Variants in ITFG1 observed in about 807,000 individuals in gnomAD.
ITFG1 encodes the protein integrin alpha FG-GAP repeat containing 1, also known as T-cell immunomodulatory protein.
In ITFG1, 34 loss-of-function variants were observed where a neutral mutation model predicts 81.8. The observed-to-expected ratio is 0.42, with a 90% confidence interval of 0.32 to 0.55. The LOEUF is 0.55. Among genes scored for constraint, ITFG1 ranks in the 20% least tolerant of loss-of-function variants. ITFG1 has a pLI of 0.17. For missense variants in ITFG1, 672 were observed against 755.4 expected, an observed-to-expected ratio of 0.89 and a Z score of 1.29; for synonymous variants, 285 against 270.6, an observed-to-expected ratio of 1.05 and a Z score of -0.52.
intron 10 of ITFG1, among the ~76,000 whole-genome samples, chr16:47,277,185 G>A (rs933312809): frequency 6.6e-6 from 1 of 152,090 alleles, no homozygotes; most frequent in African/African-American, 2.4e-5. Context: ...TTTTAACTGA[G>A]CTATATAGCT....
chr16:47,187,616 A>G (rs902502848), intron 14 of ITFG1, among the ~76,000 whole-genome samples: 60 of 151,970 alleles, frequency 3.9e-4, no homozygotes, highest in African/African-American at 1.4e-3. Flanking sequence ...TCAATTCAAG[A>G]TGGATTAAAG....
At position 47,428,789 on chromosome 16, in the gene ITFG1, T is replaced by G; in HGVS notation, c.655+15A>C. On this transcript the variant is annotated intron_variant, in intron 6 of 17. Transcript: ENST00000320640. ...TTGGTAACTCAAAACAATTCCAGAT[T>G]TATGTGCAACTCACCTGCTGTAAAA... 2.0e-6 allele frequency: 3 copies of G among 1,535,026 alleles called. No individual in the cohort carries two copies. The highest frequency in any genetic ancestry group is 2.7e-6 in the Non-Finnish European group (3 of 1,111,766).
intron 10 of ITFG1, among the ~76,000 whole-genome samples, chr16:47,291,336 C>T (rs73539001): frequency 0.069 from 10,448 of 151,736 alleles, 597 homozygotes; most frequent in African/African-American, 0.15. Context: ...TTCTTTTTTG[C>T]TTTTTCTCCT....
At chr16:47,322,180 T>C (rs2151569023) in intron 8 of ITFG1, among the ~76,000 whole-genome samples, 1 of 152,260 alleles carries the variant, frequency 6.6e-6, no homozygotes, top group African/African-American at 2.4e-5. Flanking sequence ...ATATATACTA[T>C]TAAAGAATCT....
chr16:47,261,785 C>T (rs888771527), intron 10 of ITFG1, among the ~76,000 whole-genome samples: 1 of 152,178 alleles, frequency 6.6e-6, no homozygotes, highest in Non-Finnish European at 1.5e-5. Context: ...GTGACCCTGC[C>T]ATCTTAGCCT....
chr16:47,241,520 T>G (rs1965933523), intron 12 of ITFG1, among the ~76,000 whole-genome samples: 1 of 152,180 alleles, frequency 6.6e-6, no homozygotes, highest in Non-Finnish European at 1.5e-5. Flanking sequence ...CTTGAAAACA[T>G]TATGCTAAGT....
chr16:47,170,280 T>C (rs548957218), intron 14 of ITFG1, among the ~76,000 whole-genome samples: 1 of 152,200 alleles, frequency 6.6e-6, no homozygotes, highest in Non-Finnish European at 1.5e-5. Flanking sequence ...AAATTGTTGG[T>C]AGAATTTCAT....
At chr16:47,348,568 C>G (rs899374238) in intron 8 of ITFG1, among the ~76,000 whole-genome samples, 1 of 152,056 alleles carries the variant, frequency 6.6e-6, no homozygotes, top group African/African-American at 2.4e-5. Context: ...TGTGAAAAGA[C>G]CAAATCTACG....
At chr16:47,430,057 CTTTTTTTTTTTT>C (rs920966590) in intron 5 of ITFG1, among the ~76,000 whole-genome samples, 1 of 122,016 alleles carries the variant, frequency 8.2e-6, no homozygotes, top group South Asian at 2.7e-4. Context: ...TTTTACTTTT[CTTTTTTTTTTTT>C]TTTTTTGAAT....
chr16:47,235,766 A>G (rs905129828), intron 13 of ITFG1, among the ~76,000 whole-genome samples: 1 of 149,408 alleles, frequency 6.7e-6, no homozygotes, highest in South Asian at 2.2e-4. Flanking sequence ...ACTTTTTACT[A>G]TGATCTGATG....
chr16:47,324,096 G>C (rs578053470), intron 8 of ITFG1, among the ~76,000 whole-genome samples: 6 of 152,100 alleles, frequency 3.9e-5, no homozygotes, highest in African/African-American at 1.2e-4. Flanking sequence ...ATAAAATGAA[G>C]AGAAATATTT....
At chr16:47,396,523 T>TG (rs57694759) in intron 6 of ITFG1, among the ~76,000 whole-genome samples, 18,033 of 151,100 alleles carry the variant, frequency 0.12, 2,437 homozygotes, top group African/African-American at 0.33. Flanking sequence ...TAATAATTAT[T>TG]TTGTGTGTGT....
chr16:47,397,520 T>C (rs1389513210), intron 6 of ITFG1, among the ~76,000 whole-genome samples: 1 of 152,250 alleles, frequency 6.6e-6, no homozygotes, highest in Non-Finnish European at 1.5e-5. Flanking sequence ...ACAATGATTC[T>C]CAACCAGGGA....
intron 10 of ITFG1, among the ~76,000 whole-genome samples, chr16:47,293,589 T>C (rs1966941085): frequency 6.6e-6 from 1 of 152,094 alleles, no homozygotes; most frequent in African/African-American, 2.4e-5. Flanking sequence ...TAGATTTGCG[T>C]ATCTCTGAGG....
rs1003831008 is a variant in ITFG1 at position 47,178,519 on chromosome 16, A to C, written c.1454-15855T>G. On this transcript the variant is annotated intron_variant, in intron 14 of 17. Coordinates refer to ENST00000320640, the MANE Select transcript of ITFG1 (RefSeq NM_030790.5). ...AAATGGTGCTGGGAAAACTGGCTAG[A>C]CATATGTAGAAAGCTGAAACTGCAT... 3.9e-5 allele frequency among the ~76,000 whole-genome samples: 6 copies of C among 152,218 alleles called. No individual in the cohort carries two copies. In the South Asian group the frequency reaches 8.3e-4, roughly 21 times the overall value.
At chr16:47,319,896 G>T (rs1302487858) in intron 8 of ITFG1, among the ~76,000 whole-genome samples, 2 of 152,080 alleles carry the variant, frequency 1.3e-5, no homozygotes, top group Non-Finnish European at 2.9e-5. Context: ...GAGATTCAGG[G>T]AGCCACCCCT....
At chr16:47,253,759 A>G (rs1180923812) in intron 12 of ITFG1, among the ~76,000 whole-genome samples, 2 of 152,110 alleles carry the variant, frequency 1.3e-5, no homozygotes, top group Non-Finnish European at 1.5e-5. Context: ...CAGGAGACAG[A>G]GCTCAGGCGG....
intron 14 of ITFG1, among the ~76,000 whole-genome samples, chr16:47,182,420 A>G (rs369118480): frequency 1.3e-5 from 2 of 151,984 alleles, no homozygotes; most frequent in African/African-American, 4.8e-5. Flanking sequence ...TATTATGGGA[A>G]ACACATGGGA....
At chr16:47,309,421 T>G (rs1282032307) in intron 10 of ITFG1, among the ~76,000 whole-genome samples, 3 of 152,120 alleles carry the variant, frequency 2.0e-5, no homozygotes, top group Non-Finnish European at 4.4e-5. Context: ...TACTTATTAC[T>G]AGGAAATCAC....
Sources: gnomAD v4.1 joint callset for allele counts (sites outside exome capture counted in the v4.1 genomes callset) on GRCh38, gnomAD v4.1.1 for gene constraint, MANE v1.5 for transcripts, NCBI Gene and HGNC (gene_info 2026-07-23, HGNC 2026-07-21) for gene names.